BAZ2B: variants seen among roughly 807,000 people sequenced by gnomAD.
BAZ2B encodes the protein bromodomain adjacent to zinc finger domain 2B.
BAZ2B carries 91 observed loss-of-function variants against 246.0 expected under a neutral mutation model. That is an observed-to-expected ratio of 0.37 (90% CI 0.31 to 0.44). BAZ2B has a LOEUF of 0.44. BAZ2B is among the 20% of genes least tolerant of loss of function. The pLI, the probability that BAZ2B is intolerant of heterozygous loss-of-function variation, is 1.00. For synonymous variants in BAZ2B, 855 were observed against 860.0 expected (o/e 0.99, Z 0.10); for missense variants, 2,332 against 2,533.7 (o/e 0.92, Z 1.71).
chr2:159,498,474 A>G (rs1321519571), intron 2 of BAZ2B, among the ~76,000 whole-genome samples: 1 of 152,176 alleles, frequency 6.6e-6, no homozygotes, highest in Non-Finnish European at 1.5e-5. Flanking sequence ...TAATAGTATA[A>G]TTTGAAATTT....
At position 159,382,895 on chromosome 2, in the gene BAZ2B, T is replaced by C. The variant is rs191961211; in HGVS notation, c.3762-93A>G. On this transcript the variant is annotated intron_variant, in intron 24 of 36. Transcript: ENST00000392783. ...ACATGAGTTGTATGCAAAAATACCT[T>C]ATGGCATTTCTTTTGTGTTAAGCGA... is the stretch of plus-strand genomic sequence containing the variant. The C allele has an allele frequency of 1.4e-5, 20 of 1,467,856 alleles. No individual in the cohort carries two copies. The East Asian group carries it at 3.7e-4, about 27-fold the overall frequency. 90.9% of individuals were successfully genotyped at this position (1,467,856 alleles called of 1,614,324 possible). A position where few individuals can be genotyped will look rare whatever the true frequency, so the allele number is the denominator to read the frequency against.
rs1329618531 is a variant in BAZ2B, at chr2:159,382,514, G to T, written c.4005+45C>A. On this transcript the variant is annotated intron_variant, in intron 25 of 36. Coordinates refer to ENST00000392783, the MANE Select transcript of BAZ2B (RefSeq NM_013450.4). ...CTCCAAATTCTGTTTTTAAAAATAT[G>T]TTATGCAGTTCTAGTTGTCTTAAAA... 7 of 1,517,742 alleles carry T rather than the reference G, an allele frequency of 4.6e-6. No homozygotes were observed. In the South Asian group the frequency reaches 8.7e-5, roughly 19 times the overall value. The allele number at this position is 1,517,742 out of a possible 1,614,324, so 94.0% of individuals were successfully genotyped here.
intron 2 of BAZ2B, among the ~76,000 whole-genome samples, chr2:159,508,961 T>C (rs2082624277): frequency 6.6e-6 from 1 of 152,164 alleles, no homozygotes; most frequent in East Asian, 1.9e-4. Context: ...CTCACTCTTA[T>C]AACCTTATCA....
At chr2:159,350,921 G>C (rs941325190) in intron 27 of BAZ2B, among the ~76,000 whole-genome samples, 1 of 140,640 alleles carries the variant, frequency 7.1e-6, no homozygotes, top group South Asian at 2.6e-4. Flanking sequence ...GTGGGGGGAG[G>C]GGGGAGGGAT....
At chr2:159,596,077 G>A (rs1364650632) in intron 1 of BAZ2B, among the ~76,000 whole-genome samples, 1 of 152,138 alleles carries the variant, frequency 6.6e-6, no homozygotes, top group Non-Finnish European at 1.5e-5. Context: ...ACAATGACAT[G>A]GAATCACAGC....
intron 2 of BAZ2B, among the ~76,000 whole-genome samples, chr2:159,512,552 TA>T (rs999476449): frequency 3.3e-5 from 5 of 152,136 alleles, no homozygotes; most frequent in Non-Finnish European, 7.4e-5. Context: ...TCTAAGCTGA[TA>T]AAATGTGTGG....
At chr2:159,560,612 C>T (rs534513223) in intron 1 of BAZ2B, among the ~76,000 whole-genome samples, 1 of 151,824 alleles carries the variant, frequency 6.6e-6, no homozygotes, top group Admixed American at 6.6e-5. Flanking sequence ...CTCTGTCACC[C>T]AGGCTAGAGT....
At chr2:159,657,787 T>C in the BAZ2B span, among the ~76,000 whole-genome samples, 9 of 152,238 alleles carry the variant, frequency 5.9e-5, no homozygotes, top group Non-Finnish European at 1.5e-5. Context: ...AGAAAGCAAC[T>C]GGATTTTGTA....
intron 1 of BAZ2B, among the ~76,000 whole-genome samples, chr2:159,597,711 C>A (rs1208010334): frequency 6.6e-6 from 1 of 152,072 alleles, no homozygotes; most frequent in Non-Finnish European, 1.5e-5. Context: ...CCGCCTTGGC[C>A]TCCCAAAGTG....
chr2:159,476,177 A>G (rs2078521893), intron 3 of BAZ2B, among the ~76,000 whole-genome samples: 1 of 152,126 alleles, frequency 6.6e-6, no homozygotes, highest in Non-Finnish European at 1.5e-5. Flanking sequence ...TCCCAGGGGT[A>G]TGGGAGTTTT....
At chr2:159,459,538 A>G (rs1241228689) in intron 3 of BAZ2B, 2 of 152,162 alleles carry the variant, frequency 1.3e-5, no homozygotes, top group Admixed American at 6.5e-5. Context: ...CCTTGGCTCC[A>G]TTGCCAGGAC....
chr2:159,642,445 C>A, the BAZ2B span, among the ~76,000 whole-genome samples: 1 of 151,834 alleles, frequency 6.6e-6, no homozygotes, highest in Non-Finnish European at 1.5e-5. Flanking sequence ...ATCACGTTAG[C>A]CAGGCTGGTC....
intron 33 of BAZ2B, among the ~76,000 whole-genome samples, chr2:159,333,952 T>C (rs2065203077): frequency 6.6e-6 from 1 of 152,164 alleles, no homozygotes; most frequent in African/African-American, 2.4e-5. Context: ...TTTTTGACCT[T>C]TCCTAACATC....
chr2:159,378,642 T>C (rs1266779937), intron 25 of BAZ2B, among the ~76,000 whole-genome samples: 1 of 152,096 alleles, frequency 6.6e-6, no homozygotes, highest in Admixed American at 6.5e-5. Flanking sequence ...GCAAAGAACC[T>C]GAATAGACAT....
chr2:159,587,344 C>A (rs1463030567), intron 1 of BAZ2B, among the ~76,000 whole-genome samples: 1 of 151,928 alleles, frequency 6.6e-6, no homozygotes, highest in Non-Finnish European at 1.5e-5. Context: ...CCTCCCAAAG[C>A]GCTGGGATTA....
At chr2:159,397,288 T>A in intron 19 of BAZ2B, 57 bp downstream of exon 19, 1 of 1,369,824 alleles carries the variant, frequency 7.3e-7, no homozygotes, top group East Asian at 2.3e-5. Flanking sequence ...CCCAAATAGG[T>A]TTAAGCAATA....
At position 159,349,276 on chromosome 2, in the gene BAZ2B, T is replaced by C. The variant is rs757125708; in HGVS notation, c.4868A>G (p.Lys1623Arg). Residue 1623 changes from lysine (K) to arginine (R), a missense_variant, in exon 29 of 37, where the codon AAA (lysine) becomes AGA (arginine). Transcript: ENST00000392783. ...AAGTCCCATCATAGATACTCCACCT[T>C]TCACCTGCAAAAAGAAAACATTTAT... ...NPFALSPLQVKGGVSMMGLQF... is the reference protein window; with the variant it reads ...NPFALSPLQVRGGVSMMGLQF... 6.3e-7 allele frequency: 1 copy of C among 1,585,042 alleles called. No homozygotes were observed. The highest frequency in any genetic ancestry group is 8.6e-7 in the Non-Finnish European group (1 of 1,164,598).
chr2:159,586,593 C>G (rs1254930524), intron 1 of BAZ2B, among the ~76,000 whole-genome samples: 1 of 152,002 alleles, frequency 6.6e-6, no homozygotes, highest in African/African-American at 2.4e-5. Context: ...AATTATTTAT[C>G]TTGAACATTA....
intron 1 of BAZ2B, among the ~76,000 whole-genome samples, chr2:159,602,638 G>T (rs910066319): frequency 6.6e-6 from 1 of 152,120 alleles, no homozygotes; most frequent in Non-Finnish European, 1.5e-5. Flanking sequence ...ACAGGCCATG[G>T]TGGCAGTTTT....
Sources: allele counts gnomAD v4.1 joint callset (sites outside exome capture counted in the v4.1 genomes callset), GRCh38; gene constraint gnomAD v4.1.1; transcripts MANE v1.5; gene names NCBI Gene and HGNC (gene_info 2026-07-23, HGNC 2026-07-21).